CLEC16A: variants seen among roughly 807,000 people sequenced by gnomAD.
CLEC16A encodes C-type lectin domain containing 16A.
A neutral mutation model predicts 109.5 loss-of-function variants in CLEC16A; 51 were observed. The observed-to-expected ratio is 0.47, with a 90% confidence interval of 0.37 to 0.59. The LOEUF is 0.59. CLEC16A is among the 20% of genes least tolerant of loss of function. The probability of loss-of-function intolerance (pLI) is 0.00; values close to 1 mark genes in which losing one functional copy is unlikely to be tolerated. For synonymous variants in CLEC16A, 673 were observed against 564.2 expected (o/e 1.19, Z -2.73); for missense variants, 1,339 against 1,394.0 (o/e 0.96, Z 0.63).
chr16:11,110,624 G>T (rs1261301908), intron 19 of CLEC16A, among the ~76,000 whole-genome samples: 1 of 152,096 alleles, frequency 6.6e-6, no homozygotes, highest in Non-Finnish European at 1.5e-5. Context: ...TGGCACTTCC[G>T]AGCAATTTGA....
At chr16:11,039,117 A>G (rs1597154766) in intron 13 of CLEC16A, among the ~76,000 whole-genome samples, 1 of 152,140 alleles carries the variant, frequency 6.6e-6, no homozygotes, top group East Asian at 1.9e-4. Context: ...CCTGGCACAC[A>G]GTGGCAGTGA....
At chr16:10,970,773 G>T (rs2042742649) in intron 4 of CLEC16A, among the ~76,000 whole-genome samples, 2 of 152,096 alleles carry the variant, frequency 1.3e-5, no homozygotes. Context: ...TTGAGACAGG[G>T]TCTTGCTCTG....
intron 19 of CLEC16A, among the ~76,000 whole-genome samples, chr16:11,107,177 A>G (rs1385671789): frequency 1.3e-5 from 2 of 152,124 alleles, no homozygotes; most frequent in East Asian, 1.9e-4. Flanking sequence ...CTGAATTTCA[A>G]CAAATACCCC....
intron 13 of CLEC16A, chr16:11,026,925 G>A: frequency 9.8e-7 from 1 of 1,016,108 alleles, no homozygotes; most frequent in South Asian, 1.4e-5. Context: ...CCTCCAGCGT[G>A]AGCTAGAACA....
chr16:11,127,493 A>T (rs2052907861), intron 22 of CLEC16A, among the ~76,000 whole-genome samples: 1 of 152,208 alleles, frequency 6.6e-6, no homozygotes, highest in Non-Finnish European at 1.5e-5. Flanking sequence ...ATCTTGATAT[A>T]TGTAGTCCCA....
intron 22 of CLEC16A, among the ~76,000 whole-genome samples, chr16:11,165,753 C>G (rs74638380): frequency 2.0e-3 from 298 of 152,206 alleles, no homozygotes; most frequent in Non-Finnish European, 3.2e-3. Context: ...GTCAGTTTAC[C>G]GCAGAAACGT....
At chr16:11,008,500 A>T (rs533208655) in intron 11 of CLEC16A, among the ~76,000 whole-genome samples, 4 of 152,266 alleles carry the variant, frequency 2.6e-5, no homozygotes, top group South Asian at 2.1e-4. Flanking sequence ...GCAGAAGTGG[A>T]CGTCCTTGGG....
chr16:11,035,136 A>G (rs1161965786), intron 13 of CLEC16A, among the ~76,000 whole-genome samples: 1 of 152,250 alleles, frequency 6.6e-6, no homozygotes, highest in Non-Finnish European at 1.5e-5. Context: ...AATGATTGTT[A>G]TAGAAAACAA....
intron 1 of CLEC16A, among the ~76,000 whole-genome samples, 178 bp from the exon 2 acceptor site, chr16:10,957,604 A>G (rs1360883200): frequency 1.3e-5 from 2 of 152,192 alleles, no homozygotes; most frequent in Non-Finnish European, 2.9e-5. Context: ...TAACCCTTCA[A>G]AGCATTGTCT....
chr16:10,975,043 T>G, intron 7 of CLEC16A, among the ~76,000 whole-genome samples: 1 of 151,962 alleles, frequency 6.6e-6, no homozygotes. Flanking sequence ...CTCTGGACAG[T>G]GAGGAGAAGT....
chr16:11,135,755 C>T (rs550914997), intron 22 of CLEC16A, among the ~76,000 whole-genome samples: 5 of 152,332 alleles, frequency 3.3e-5, no homozygotes, highest in Admixed American at 6.5e-5. Flanking sequence ...TCTGTAGGCT[C>T]GGGTGGGCCC....
intron 19 of CLEC16A, among the ~76,000 whole-genome samples, chr16:11,078,531 T>G (rs1351061992): frequency 6.6e-6 from 1 of 152,136 alleles, no homozygotes; most frequent in East Asian, 1.9e-4. Context: ...CTCTCTAAGT[T>G]CCAAAGTCAG....
intron 10 of CLEC16A, among the ~76,000 whole-genome samples, chr16:10,994,278 G>A (rs1283514884): frequency 6.6e-6 from 1 of 152,154 alleles, no homozygotes; most frequent in Non-Finnish European, 1.5e-5. Flanking sequence ...CACTGATGTT[G>A]CAGCTGTGCA....
chr16:11,113,594 G>T (rs2051752136), intron 19 of CLEC16A, among the ~76,000 whole-genome samples: 1 of 152,178 alleles, frequency 6.6e-6, no homozygotes, highest in South Asian at 2.1e-4. Flanking sequence ...GTGAGGCCGA[G>T]GCTGCAGTAA....
intron 9 of CLEC16A, among the ~76,000 whole-genome samples, chr16:10,979,642 C>T (rs1236776839): frequency 2.0e-5 from 3 of 152,024 alleles, no homozygotes; most frequent in African/African-American, 2.4e-5. Context: ...TGATTTTTAC[C>T]ATGAAGACTG....
chr16:11,068,698 A>G (rs1354737788), intron 19 of CLEC16A, among the ~76,000 whole-genome samples: 1 of 152,262 alleles, frequency 6.6e-6, no homozygotes, highest in Non-Finnish European at 1.5e-5. Context: ...CCAGTTGGTC[A>G]GCAGACCTAT....
At chr16:11,032,547 T>G (rs929042145) in intron 13 of CLEC16A, among the ~76,000 whole-genome samples, 1 of 152,208 alleles carries the variant, frequency 6.6e-6, no homozygotes, top group Non-Finnish European at 1.5e-5. Flanking sequence ...ACAAGAAGAT[T>G]AATTGTGACT....
chr16:10,997,912 G>A (rs1567175059), intron 10 of CLEC16A, among the ~76,000 whole-genome samples: 2 of 152,156 alleles, frequency 1.3e-5, no homozygotes, highest in Admixed American at 6.5e-5. Context: ...TTCTTGTGCA[G>A]CCTGTGTCCA....
chr16:11,172,573 T>C (rs2068567277), intron 23 of CLEC16A, among the ~76,000 whole-genome samples: 1 of 152,180 alleles, frequency 6.6e-6, no homozygotes, highest in African/African-American at 2.4e-5. Flanking sequence ...ACATAGTAGG[T>C]GTAATTAAAC....
Sources: allele counts gnomAD v4.1 joint callset (sites outside exome capture counted in the v4.1 genomes callset), GRCh38; gene constraint gnomAD v4.1.1; transcripts MANE v1.5; gene names NCBI Gene and HGNC (gene_info 2026-07-23, HGNC 2026-07-21).